The following MECOM variants were observed in gnomAD, a reference collection of about 807,000 sequenced individuals.
The protein encoded by MECOM is MDS1 and EVI1 complex locus, also known as histone-lysine N-methyltransferase MECOM.
A neutral mutation model predicts 116.3 loss-of-function variants in MECOM; 13 were observed. The ratio of observed to expected loss-of-function variants is 0.11; its 90% CI spans 0.07 to 0.18. The LOEUF (loss-of-function observed/expected upper bound fraction) is 0.18, where lower values mean the gene tolerates loss of function less well. Among genes scored for constraint, MECOM ranks in the 10% least tolerant of loss-of-function variants. MECOM has a pLI of 1.00. For synonymous variants in MECOM, 528 were observed against 535.2 expected (o/e 0.99, Z 0.19); for missense variants, 1,299 against 1,509.0 (o/e 0.86, Z 2.31).
intron 1 of MECOM, among the ~76,000 whole-genome samples, chr3:169,559,897 C>T (rs978434817): frequency 3.9e-5 from 6 of 152,094 alleles, no homozygotes; most frequent in Non-Finnish European, 7.4e-5. Flanking sequence ...AGGAACTTTT[C>T]GAATATAGGT....
chr3:169,406,545 G>A (rs914934801), intron 1 of MECOM, among the ~76,000 whole-genome samples: 9 of 152,180 alleles, frequency 5.9e-5, no homozygotes, highest in African/African-American at 1.7e-4. Flanking sequence ...TTTAGTTTGT[G>A]TTATGAAGCT....
chr3:169,378,545 AG>A (rs1731786535), intron 2 of MECOM, among the ~76,000 whole-genome samples: 1 of 128,942 alleles, frequency 7.8e-6, no homozygotes, highest in Non-Finnish European at 1.7e-5. Context: ...AAAGAAAGAA[AG>A]AAAGAAAGAA....
chr3:169,652,145 T>C (rs943791379), intron 1 of MECOM, among the ~76,000 whole-genome samples: 1 of 152,146 alleles, frequency 6.6e-6, no homozygotes, highest in African/African-American at 2.4e-5. Flanking sequence ...ATCCATGAGC[T>C]GCTAAAATTG....
At chr3:169,241,356 A>G (rs553205353) in intron 2 of MECOM, among the ~76,000 whole-genome samples, 5 of 152,216 alleles carry the variant, frequency 3.3e-5, no homozygotes, top group African/African-American at 1.2e-4. Flanking sequence ...AAACAGACCA[A>G]CCCTAAATCT....
intron 7 of MECOM, among the ~76,000 whole-genome samples, chr3:169,117,598 A>G (rs1454987104): frequency 1.3e-5 from 2 of 152,164 alleles, no homozygotes; most frequent in Non-Finnish European, 2.9e-5. Context: ...CTCAGGCTTG[A>G]CTTCTGTGTG....
At chr3:169,101,698 T>A (rs1395735103) in intron 11 of MECOM, among the ~76,000 whole-genome samples, 1 of 152,228 alleles carries the variant, frequency 6.6e-6, no homozygotes, top group Non-Finnish European at 1.5e-5. Flanking sequence ...GGCCTTATTC[T>A]TTAATGCCAT....
At chr3:169,212,817 TCCTG>T (rs1750942911) in intron 2 of MECOM, among the ~76,000 whole-genome samples, 1 of 151,206 alleles carries the variant, frequency 6.6e-6, no homozygotes, top group Non-Finnish European at 1.5e-5. Flanking sequence ...TATGCCAAGC[TCCTG>T]CTTGCCTTGA....
At chr3:169,530,034 A>G (rs79118917) in intron 1 of MECOM, among the ~76,000 whole-genome samples, 2,534 of 152,352 alleles carry the variant, frequency 0.017, 28 homozygotes, top group Middle Eastern at 0.037. Flanking sequence ...TATGAAGAAC[A>G]AACATGGGGA....
rs1165167849 is a variant in MECOM at position 169,507,650 on chromosome 3, C to CTTTTTTTTTTT, written c.38-126137_38-126127dup. ...CAATTTTGGTTTAAATCCCCACTTG[C>CTTTTTTTTTTT]TTTTTTTTTTTTTTTTTTTTTTTTT... is the stretch of plus-strand genomic sequence containing the variant. On this transcript the variant is annotated intron_variant, in intron 1 of 16. Transcript: ENST00000651503. Among the ~76,000 whole-genome samples, 128 of 57,138 alleles carry CTTTTTTTTTTT rather than the reference C, an allele frequency of 2.2e-3. 22 individuals carry two copies. Among genetic ancestry groups the CTTTTTTTTTTT allele is most frequent in the African/African-American group, 4.6e-3 (56 of 12,236 alleles). 37.5% of individuals were successfully genotyped at this position (57,138 alleles called of 152,430 possible).
chr3:169,260,264 AT>A (rs1401680540), intron 2 of MECOM, among the ~76,000 whole-genome samples: 3 of 152,230 alleles, frequency 2.0e-5, no homozygotes, highest in Admixed American at 1.3e-4. Context: ...TTTTAAAAAA[AT>A]ATACCCAGTA....
chr3:169,393,532 T>C (rs1734552443), intron 1 of MECOM, among the ~76,000 whole-genome samples: 1 of 152,152 alleles, frequency 6.6e-6, no homozygotes, highest in Non-Finnish European at 1.5e-5. Flanking sequence ...TAAAAAAGAA[T>C]ACCCAAAACT....
At chr3:169,449,764 A>G (rs938016348) in intron 1 of MECOM, among the ~76,000 whole-genome samples, 6 of 152,146 alleles carry the variant, frequency 3.9e-5, no homozygotes, top group Non-Finnish European at 7.4e-5. Flanking sequence ...ATACCATCGG[A>G]AAAAAAGAAA....
At chr3:169,349,661 T>C (rs1184394805) in intron 2 of MECOM, among the ~76,000 whole-genome samples, 1 of 151,970 alleles carries the variant, frequency 6.6e-6, no homozygotes, top group Non-Finnish European at 1.5e-5. Flanking sequence ...ATATTTCCCG[T>C]CTATGCTTTC....
chr3:169,383,152 C>A (rs868255419), intron 1 of MECOM, among the ~76,000 whole-genome samples: 23 of 152,184 alleles, frequency 1.5e-4, no homozygotes, highest in African/African-American at 5.3e-4. Flanking sequence ...AGTAATGACT[C>A]CTGTCTCTTA....
chr3:169,490,146 G>A (rs1218193588), intron 1 of MECOM, among the ~76,000 whole-genome samples: 1 of 152,190 alleles, frequency 6.6e-6, no homozygotes, highest in Non-Finnish European at 1.5e-5. Flanking sequence ...GACTTTGCAT[G>A]CGCTTTAGAG....
At chr3:169,215,785 A>T (rs182163614) in intron 2 of MECOM, among the ~76,000 whole-genome samples, 1 of 152,282 alleles carries the variant, frequency 6.6e-6, no homozygotes, top group African/African-American at 2.4e-5. Flanking sequence ...TAATTTACAA[A>T]ATCAATTCAA....
chr3:169,329,403 C>T (rs2149769935), intron 2 of MECOM, among the ~76,000 whole-genome samples: 1 of 152,298 alleles, frequency 6.6e-6, no homozygotes, highest in South Asian at 2.1e-4. Flanking sequence ...AAGAAGAAGT[C>T]TCAAAATGCT....
chr3:169,507,576 C>T (rs1755391984), intron 1 of MECOM, among the ~76,000 whole-genome samples: 1 of 143,728 alleles, frequency 7.0e-6, no homozygotes, highest in Admixed American at 7.0e-5. Context: ...CCCCTGGCTT[C>T]ATTTATATCC....
At chr3:169,216,646 T>C (rs553798884) in intron 2 of MECOM, among the ~76,000 whole-genome samples, 13 of 152,028 alleles carry the variant, frequency 8.6e-5, no homozygotes, top group Admixed American at 2.6e-4. Flanking sequence ...TGTTTCAATC[T>C]AGTACATTAA....
Sources: allele counts gnomAD v4.1 joint callset (sites outside exome capture counted in the v4.1 genomes callset), GRCh38; gene constraint gnomAD v4.1.1; transcripts MANE v1.5; gene names NCBI Gene and HGNC (gene_info 2026-07-23, HGNC 2026-07-21).